The following CCDC7 variants were observed in gnomAD, a reference collection of about 807,000 sequenced individuals.
CCDC7 encodes the protein coiled-coil domain containing 7.
In CCDC7, 183 loss-of-function variants were observed where a neutral mutation model predicts 196.9. The observed-to-expected ratio is 0.93, with a 90% confidence interval of 0.82 to 1.05. The LOEUF is 1.05. CCDC7 is among the 50% of genes least tolerant of loss of function. The pLI, the probability that CCDC7 is intolerant of heterozygous loss-of-function variation, is 0.00. For missense variants in CCDC7, 1,540 were observed against 1,482.2 expected (o/e 1.04, Z -0.64); for synonymous variants, 525 against 484.6 (o/e 1.08, Z -1.10).
intron 30 of CCDC7, among the ~76,000 whole-genome samples, chr10:32,805,761 T>G (rs2085697766): frequency 6.6e-6 from 1 of 152,178 alleles, no homozygotes; most frequent in Admixed American, 6.5e-5. Context: ...CCAAAGCTGT[T>G]TTATTGTAGG....
chr10:32,846,366 A>G lies in CCDC7; in HGVS notation c.3605-10A>G, dbSNP rs200826395. ...TTATAAAGTATTTTGAAATCTGTTT[A>G]ATTCTATAGAGACTGATAAAGAACT... On this transcript the variant is annotated splice_polypyrimidine_tract_variant and intron_variant, in intron 36 of 41. Transcript: ENST00000639629. The G allele has an allele frequency of 1.8e-4, 272 of 1,470,444 alleles. 3 individuals are homozygous for G. Among genetic ancestry groups the G allele is most frequent in the Non-Finnish European group, 1.5e-4 (158 of 1,059,188 alleles). The allele number at this position is 1,470,444 out of a possible 1,614,324, so 91.1% of individuals were successfully genotyped here.
At chr10:32,512,786 T>TA in intron 9 of CCDC7, 1 of 152,094 alleles carries the variant, frequency 6.6e-6, no homozygotes, top group East Asian at 1.9e-4. Flanking sequence ...GCAAAGTATA[T>TA]AAAGAGGAGG....
chr10:32,680,162 T>G (rs1424241367), intron 21 of CCDC7, among the ~76,000 whole-genome samples: 1 of 152,198 alleles, frequency 6.6e-6, no homozygotes, highest in Non-Finnish European at 1.5e-5. Flanking sequence ...CAGTTGTTTC[T>G]TTTTTATTCC....
At chr10:32,623,614 C>T (rs1343511752) in intron 18 of CCDC7, 2 of 437,580 alleles carry the variant, frequency 4.6e-6, no homozygotes, top group East Asian at 7.1e-5. Context: ...CTATTAAGAA[C>T]TCTGTCAGAT....
intron 40 of CCDC7, among the ~76,000 whole-genome samples, chr10:32,853,614 TTTAA>T (rs1309967746): frequency 6.6e-6 from 1 of 152,172 alleles, no homozygotes; most frequent in African/African-American, 2.4e-5. Context: ...TGAAACTAGT[TTTAA>T]TTATATAGTT....
At chr10:32,825,561 C>A (rs912599610) in intron 32 of CCDC7, among the ~76,000 whole-genome samples, 2 of 152,116 alleles carry the variant, frequency 1.3e-5, no homozygotes, top group African/African-American at 4.8e-5. Context: ...TCTTCTATTA[C>A]TTCTTTCCCT....
chr10:32,847,756 G>GA, intron 37 of CCDC7, 77 bp from the exon 39 acceptor site: 2 of 878,166 alleles, frequency 2.3e-6, no homozygotes, highest in Admixed American at 2.6e-5. Context: ...AATTTCAAAA[G>GA]AAAAAAGAAC....
At chr10:32,568,483 C>T (rs1200733824) in intron 15 of CCDC7, among the ~76,000 whole-genome samples, 3 of 152,046 alleles carry the variant, frequency 2.0e-5, no homozygotes, top group Non-Finnish European at 4.4e-5. Context: ...TGAACTACCT[C>T]AACTTCTTCC....
chr10:32,772,126 C>T (rs1030942235), intron 28 of CCDC7, among the ~76,000 whole-genome samples: 1 of 152,194 alleles, frequency 6.6e-6, no homozygotes, highest in Non-Finnish European at 1.5e-5. Context: ...TACTCTGAGT[C>T]TCCCTGTGCA....
At chr10:32,469,202 G>C (rs984246397) in intron 5 of CCDC7, among the ~76,000 whole-genome samples, 1 of 152,094 alleles carries the variant, frequency 6.6e-6, no homozygotes, top group African/African-American at 2.4e-5. Flanking sequence ...CAGTAATTTG[G>C]TTAGGGAAAG....
In CCDC7 at chr10:32,694,770, A is replaced by G. The variant is rs565296665; in HGVS notation, c.2345-109A>G. On this transcript the variant is annotated intron_variant, in intron 23 of 41. Coordinates refer to ENST00000639629, the Ensembl canonical transcript of CCDC7. ...CTGGATTTCTGATAATTTACTTACA[A>G]ATTTATCAAAATGAGAAAATTTTGC... The G allele has an allele frequency of 3.4e-5, 19 of 565,678 alleles. No individual in the cohort carries two copies. The African/African-American group carries it at 3.4e-4, about 10-fold the overall frequency. The allele number at this position is 565,678 out of a possible 1,614,324, so 35.0% of individuals were successfully genotyped here.
chr10:32,754,310 A>T (rs567990920), intron 28 of CCDC7, among the ~76,000 whole-genome samples: 1 of 152,286 alleles, frequency 6.6e-6, no homozygotes, highest in Admixed American at 6.5e-5. Flanking sequence ...CACAAAAATA[A>T]TAAAATAACT....
intron 13 of CCDC7, among the ~76,000 whole-genome samples, chr10:32,552,551 G>A (rs1291217216): frequency 2.0e-5 from 3 of 152,108 alleles, no homozygotes; most frequent in Admixed American, 2.0e-4. Flanking sequence ...CTGTTTTGAT[G>A]TGTTTCCAGG....
intron 18 of CCDC7, among the ~76,000 whole-genome samples, chr10:32,628,547 G>T (rs2064378445): frequency 6.6e-6 from 1 of 151,478 alleles, no homozygotes; most frequent in Non-Finnish European, 1.5e-5. Flanking sequence ...TGCTAACTTT[G>T]GCTTAGTTTG....
intron 2 of CCDC7, among the ~76,000 whole-genome samples, chr10:32,453,654 C>T (rs182551951): frequency 3.2e-4 from 49 of 152,248 alleles, no homozygotes; most frequent in Admixed American, 2.0e-3. Flanking sequence ...AGGAGTTCTA[C>T]ATACCCATTA....
chr10:32,661,136 A>T (rs1253436640), intron 20 of CCDC7, among the ~76,000 whole-genome samples: 1 of 151,566 alleles, frequency 6.6e-6, no homozygotes, highest in Non-Finnish European at 1.5e-5. Flanking sequence ...CAAGAAAAAA[A>T]CAACCCCATC....
chr10:32,476,361 CAATAGTTTGTCAAAG>C (rs56735732), intron 8 of CCDC7, among the ~76,000 whole-genome samples: 127,082 of 152,144 alleles, frequency 0.84, 53,669 homozygotes, highest in Non-Finnish European at 0.9. Flanking sequence ...CTCTGTGTTT[CAATAGTTTGTCAAAG>C]TTTCAATAGT....
intron 33 of CCDC7, among the ~76,000 whole-genome samples, chr10:32,837,863 G>A (rs1046259743): frequency 1.0e-4 from 15 of 148,036 alleles, no homozygotes; most frequent in Non-Finnish European, 2.2e-4. Flanking sequence ...CTCATAGGTG[G>A]GAATTGAACA....
chr10:32,682,642 A>T (rs1312485313), intron 21 of CCDC7, among the ~76,000 whole-genome samples: 1 of 152,192 alleles, frequency 6.6e-6, no homozygotes, highest in African/African-American at 2.4e-5. Context: ...TTTTCTCTAC[A>T]ACCTCACCAG....
Sources: allele counts gnomAD v4.1 joint callset (sites outside exome capture counted in the v4.1 genomes callset), GRCh38; gene constraint gnomAD v4.1.1; transcripts MANE v1.5; gene names NCBI Gene and HGNC (gene_info 2026-07-23, HGNC 2026-07-21).